TENM3: variants seen among roughly 807,000 people sequenced by gnomAD.
TENM3 encodes the protein teneurin transmembrane protein 3.
TENM3 carries 63 observed loss-of-function variants against 255.1 expected under a neutral mutation model. The ratio of observed to expected loss-of-function variants is 0.25; its 90% CI spans 0.20 to 0.30. The LOEUF (loss-of-function observed/expected upper bound fraction) is 0.30, where lower values mean the gene tolerates loss of function less well. Among genes scored for constraint, TENM3 ranks in the 10% least tolerant of loss-of-function variants. The pLI, the probability that TENM3 is intolerant of heterozygous loss-of-function variation, is 1.00. For synonymous variants in TENM3, 1,306 were observed against 1,322.3 expected (o/e 0.99, Z 0.27); for missense variants, 2,929 against 3,461.1 (o/e 0.85, Z 3.86).
At chr4:181,901,462 A>G in the TENM3 span, among the ~76,000 whole-genome samples, 1 of 152,236 alleles carries the variant, frequency 6.6e-6, no homozygotes, top group African/African-American at 2.4e-5. Flanking sequence ...AAAAGGCATC[A>G]GTGTTGGCCA....
At chr4:182,760,354 C>G (rs533259397) in intron 22 of TENM3, among the ~76,000 whole-genome samples, 1 of 152,256 alleles carries the variant, frequency 6.6e-6, no homozygotes, top group East Asian at 1.9e-4. Flanking sequence ...GAAGTGAAAT[C>G]CAGTGTATTG....
rs999967262 is a variant in TENM3, at chr4:182,357,681, G to A, written c.511+10752G>A. On this transcript the variant is annotated intron_variant, in intron 3 of 27. Transcript: ENST00000511685. ...ATTTTGTGGGTTGCCTGTTCACTCT[G>A]ATGGTAGTTTCTTTTGCTGTGCAGA... 7.5e-4 allele frequency among the ~76,000 whole-genome samples: 114 copies of A among 151,052 alleles called. 1 individual carries two copies. Among genetic ancestry groups the A allele is most frequent in the African/African-American group, 2.7e-3 (111 of 41,080 alleles).
intron 1 of TENM3, among the ~76,000 whole-genome samples, chr4:182,268,531 T>C (rs1397486461): frequency 6.6e-6 from 1 of 151,990 alleles, no homozygotes; most frequent in Non-Finnish European, 1.5e-5. Context: ...GTAAAATGAG[T>C]CTAACCTACT....
At chr4:182,100,920 T>G in the TENM3 span, among the ~76,000 whole-genome samples, 186 of 138,340 alleles carry the variant, frequency 1.3e-3, 1 homozygote, top group Non-Finnish European at 2.2e-3. Flanking sequence ...GGTGCACACC[T>G]GTAGTCCCAG....
At chr4:181,628,212 C>A in the TENM3 span, among the ~76,000 whole-genome samples, 3 of 132,730 alleles carry the variant, frequency 2.3e-5, no homozygotes, top group Non-Finnish European at 5.3e-5. Context: ...TGTTTGAGTT[C>A]TTTGTAGATT....
chr4:182,367,676 A>G (rs1766523648), intron 3 of TENM3, among the ~76,000 whole-genome samples: 1 of 152,172 alleles, frequency 6.6e-6, no homozygotes, highest in Non-Finnish European at 1.5e-5. Flanking sequence ...CCATAGAAAG[A>G]TAGTTAAAAT....
intron 1 of TENM3, among the ~76,000 whole-genome samples, chr4:182,259,018 T>C (rs974969333): frequency 6.6e-5 from 10 of 152,228 alleles, no homozygotes; most frequent in African/African-American, 2.4e-4. Flanking sequence ...GTTTTAGTAA[T>C]TAGAGAAGGC....
the TENM3 span, among the ~76,000 whole-genome samples, chr4:181,454,959 T>C: frequency 6.6e-6 from 1 of 152,060 alleles, no homozygotes; most frequent in African/African-American, 2.4e-5. Flanking sequence ...CAGAACACCT[T>C]CCCATCATTA....
Position 182,324,267 on chromosome 4 carries a change from T to C in TENM3, c.232+15T>C, listed in dbSNP as rs1181374307. On this transcript the variant is annotated intron_variant, in intron 2 of 27. Transcript: ENST00000511685. ...CACTAGACAAGGTGGGTAACTGTCC[T>C]AGTAAAATAAGGCAATGCTCACGTT... is the stretch of plus-strand genomic sequence containing the variant. 6.3e-7 allele frequency: 1 copy of C among 1,579,714 alleles called. No individual in the cohort carries two copies. Among genetic ancestry groups the C allele is most frequent in the East Asian group, 2.2e-5 (1 of 44,728 alleles).
the TENM3 span, among the ~76,000 whole-genome samples, chr4:181,549,763 C>T: frequency 1.3e-5 from 2 of 152,154 alleles, no homozygotes; most frequent in African/African-American, 4.8e-5. Context: ...CAAAATTTCC[C>T]TGTGCTTGGG....
chr4:181,982,705 TTACTG>T, the TENM3 span, among the ~76,000 whole-genome samples: 1 of 152,176 alleles, frequency 6.6e-6, no homozygotes, highest in Non-Finnish European at 1.5e-5. Flanking sequence ...ATTCAATTGT[TTACTG>T]TACTGTGGGT....
chr4:182,426,412 G>A (rs1426377358), intron 3 of TENM3, among the ~76,000 whole-genome samples: 1 of 152,128 alleles, frequency 6.6e-6, no homozygotes, highest in Non-Finnish European at 1.5e-5. Context: ...CATTAAGATA[G>A]CTTCTAAAGA....
the TENM3 span, among the ~76,000 whole-genome samples, chr4:181,462,835 G>A: frequency 6.6e-6 from 1 of 152,078 alleles, no homozygotes; most frequent in Non-Finnish European, 1.5e-5. Context: ...GCTCAACGTT[G>A]GCTTACTTTT....
At chr4:181,616,374 A>G in the TENM3 span, among the ~76,000 whole-genome samples, 1 of 146,366 alleles carries the variant, frequency 6.8e-6, no homozygotes, top group African/African-American at 2.5e-5. Flanking sequence ...AATAGGATAT[A>G]TATATATATC....
chr4:181,607,538 C>T, the TENM3 span, among the ~76,000 whole-genome samples: 1 of 151,978 alleles, frequency 6.6e-6, no homozygotes, highest in Non-Finnish European at 1.5e-5. Flanking sequence ...CCTCAGCCTC[C>T]CGAGTAGCTG....
chr4:181,620,622 G>A, the TENM3 span, among the ~76,000 whole-genome samples: 1 of 150,250 alleles, frequency 6.7e-6, no homozygotes, highest in East Asian at 2.0e-4. Flanking sequence ...CATTTGGCAG[G>A]GAAAGCCTAC....
At chr4:181,782,773 C>T in the TENM3 span, among the ~76,000 whole-genome samples, 1 of 152,144 alleles carries the variant, frequency 6.6e-6, no homozygotes, top group East Asian at 1.9e-4. Context: ...TATAAATTTC[C>T]CTCAACACAC....
In TENM3 at chr4:182,799,144, G is replaced by A. The variant is rs951689091; in HGVS notation, c.7345-452G>A. 2.6e-5 allele frequency among the ~76,000 whole-genome samples: 4 copies of A among 152,142 alleles called. No homozygotes were observed. Among genetic ancestry groups the A allele is most frequent in the African/African-American group, 9.7e-5 (4 of 41,424 alleles). On this transcript the variant is annotated intron_variant, in intron 27 of 27. Coordinates refer to ENST00000511685, the MANE Select transcript of TENM3 (RefSeq NM_001080477.4). The surrounding 1 kb of genome is among the most constrained non-coding windows in gnomAD (Gnocchi z 4.2). ...TAAATACAAGCATTTCAAAGCATAC[G>A]AAGCGGGGCCCTGTGATCGGCACTA...
chr4:182,013,923 T>A, the TENM3 span, among the ~76,000 whole-genome samples: 1 of 148,504 alleles, frequency 6.7e-6, no homozygotes, highest in Non-Finnish European at 1.5e-5. Flanking sequence ...ATATTATATA[T>A]ACATATATCT....
Sources: allele counts gnomAD v4.1 joint callset (sites outside exome capture counted in the v4.1 genomes callset), GRCh38; gene constraint gnomAD v4.1.1; non-coding constraint Gnocchi (gnomAD v3.1); transcripts MANE v1.5; gene names NCBI Gene and HGNC (gene_info 2026-07-23, HGNC 2026-07-21).